FZR1: variants seen among roughly 807,000 people sequenced by gnomAD.
FZR1 encodes fizzy and cell division cycle 20 related 1.
A neutral mutation model predicts 63.6 loss-of-function variants in FZR1; 11 were observed. The observed-to-expected ratio is 0.17, with a 90% confidence interval of 0.11 to 0.29. The LOEUF (loss-of-function observed/expected upper bound fraction) is 0.29. Among genes scored for constraint, FZR1 ranks in the 10% least tolerant of loss-of-function variants. The pLI is 1.00. For missense variants in FZR1, 440 were observed against 687.5 expected (o/e 0.64, Z 4.03); for synonymous variants, 328 against 297.9 (o/e 1.10, Z -1.04).
At chr19:3,507,971 CACTT>C (rs1464075489) in intron 1 of FZR1, among the ~76,000 whole-genome samples, 3 of 152,184 alleles carry the variant, frequency 2.0e-5, no homozygotes, top group Non-Finnish European at 2.9e-5. Context: ...AGGGAGCAGA[CACTT>C]ACTCAAAGGC....
chr19:3,522,104 G>C (rs1006235845), intron 1 of FZR1, among the ~76,000 whole-genome samples: 1 of 152,228 alleles, frequency 6.6e-6, no homozygotes, highest in African/African-American at 2.4e-5. Context: ...TCTACAAAAA[G>C]AACCGCTGTA....
rs989900929 is a variant in FZR1, at chr19:3,515,636, G to A, written c.-34-7320G>A. ...ACAAAAAATTAGGCACTACAGTGGC[G>A]GGCCCCTGTAGTCCCAGCTACTCGG... On this transcript the variant is annotated intron_variant, in intron 1 of 13. Coordinates refer to ENST00000441788, the MANE Select transcript of FZR1 (RefSeq NM_016263.4). The surrounding 1 kb of genome is among the most constrained non-coding windows in gnomAD (Gnocchi z 4.6). 1.3e-5 allele frequency among the ~76,000 whole-genome samples: 2 copies of A among 151,848 alleles called. No homozygotes were observed. The highest frequency in any genetic ancestry group is 2.4e-5 in the African/African-American group (1 of 41,306).
intron 1 of FZR1, among the ~76,000 whole-genome samples, chr19:3,509,984 G>A (rs1018692685): frequency 6.6e-6 from 1 of 152,064 alleles, no homozygotes; most frequent in African/African-American, 2.4e-5. Flanking sequence ...CCACTCGCCG[G>A]CTGATCGTGT....
intron 1 of FZR1, among the ~76,000 whole-genome samples, chr19:3,513,228 TC>T (rs778116933): frequency 6.6e-6 from 1 of 151,830 alleles, no homozygotes; most frequent in Non-Finnish European, 1.5e-5. Context: ...TTTGCAGGGG[TC>T]GGGACCTGTG....
In FZR1 at chr19:3,523,058, C is replaced by T. The variant is rs371487179; in HGVS notation, c.69C>T (p.Arg23=). 96 of 1,589,910 alleles carry T rather than the reference C, an allele frequency of 6.0e-5. No homozygotes were observed. The highest frequency in any genetic ancestry group is 5.5e-5 in the Non-Finnish European group (64 of 1,159,268). ...IVIQNENTMP[R]VTEMRRTLTP... is the part of the protein sequence containing the mutation. ...TCCAGAATGAGAACACGATGCCACG[C>T]GTGAGTGCCCCCGCCCTGCCCACCA... The change falls in exon 2 of 14, where the codon CGC becomes CGT. Residue 23 remains arginine, a splice_region_variant and synonymous_variant. Transcript: ENST00000441788.
At position 3,526,993 on chromosome 19, in the gene FZR1, C is replaced by T. The variant is rs1271042608; in HGVS notation, c.401C>T (p.Thr134Ile). ...CCCGCTCCACAGTATTCCCTTAGCA[C>T]CAAGCGCTCCAGCCCCGATGACGGC... ...KKGLFTYSLS[T>I]KRSSPDDGND... Residue 134 changes from threonine (T) to isoleucine (I), a missense_variant, in exon 6 of 14, where the codon ACC (threonine) becomes ATC (isoleucine). By Grantham distance (89) the Thr-to-Ile change is moderately conservative (BLOSUM62 -1). Transcript: ENST00000441788. The surrounding 1 kb of genome is among the most constrained non-coding windows in gnomAD (Gnocchi z 5.4). 1 of 1,611,882 alleles carries T rather than the reference C, an allele frequency of 6.2e-7. No individual in the cohort carries two copies. Among genetic ancestry groups the T allele is most frequent in the Non-Finnish European group, 8.5e-7 (1 of 1,179,376 alleles).
At position 3,533,110 on chromosome 19, in the gene FZR1, GT is replaced by G. The variant is rs2083264550; in HGVS notation, c.1243-183del. ...TGGCGGTGGGTGGAGGGGTCCACCT[GT>G]GGCCTCCACACCTCCTAGACAGACT... is the stretch of plus-strand genomic sequence containing the variant. On this transcript the variant is annotated intron_variant, in intron 11 of 13. Transcript: ENST00000441788. The surrounding 1 kb of genome is among the most constrained non-coding windows in gnomAD (Gnocchi z 4.9). 6.6e-6 allele frequency among the ~76,000 whole-genome samples: 1 copy of G among 152,090 alleles called. No individual in the cohort carries two copies.
chr19:3,514,914 C>A lies in FZR1; in HGVS notation c.-34-8042C>A, dbSNP rs977845002. On this transcript the variant is annotated intron_variant, in intron 1 of 13. Transcript: ENST00000441788. This position sits in a 1 kb window ranked among gnomAD's most constrained non-coding sequence, Gnocchi z 4.2. ...TGCCCGGGGCAGTGGCAGAAGGAGGCCTCCTGGCTCTTCATTCTGGGGCCC... is the reference window on the plus strand; with the variant it reads ...TGCCCGGGGCAGTGGCAGAAGGAGGACTCCTGGCTCTTCATTCTGGGGCCC... 2.6e-5 allele frequency among the ~76,000 whole-genome samples: 4 copies of A among 152,180 alleles called. No homozygotes were observed. The highest frequency in any genetic ancestry group is 9.7e-5 in the African/African-American group (4 of 41,446).
At chr19:3,512,748 C>T (rs1241138298) in intron 1 of FZR1, among the ~76,000 whole-genome samples, 5 of 152,092 alleles carry the variant, frequency 3.3e-5, no homozygotes, top group Non-Finnish European at 7.4e-5. Context: ...ATCATGACAC[C>T]GAGGACATCC....
chr19:3,534,818 C>T lies in FZR1; in HGVS notation c.1464C>T (p.Leu488=), dbSNP rs200258025. 1 of 1,613,018 alleles carries T rather than the reference C, an allele frequency of 6.2e-7. No individual in the cohort carries two copies. Among genetic ancestry groups the T allele is most frequent in the East Asian group, 2.2e-5 (1 of 44,872 alleles). ...STKESVSVLN[L]FTRIR Reference sequence around the variant, plus strand: ...AGGAGTCTGTGTCTGTGCTCAACCTCTTCACCAGGATCCGGTAAACCTGCC... The same window carrying T: ...AGGAGTCTGTGTCTGTGCTCAACCTTTTCACCAGGATCCGGTAAACCTGCC... The change falls in exon 14 of 14, where the codon CTC becomes CTT. Residue 488 remains leucine (L), a synonymous_variant. Transcript: ENST00000441788.
intron 7 of FZR1, among the ~76,000 whole-genome samples, chr19:3,530,023 T>C (rs114851518): frequency 0.023 from 2,720 of 118,792 alleles, 377 homozygotes; most frequent in South Asian, 0.092. Flanking sequence ...GGTGAGTGGA[T>C]GGGAGAGTGG....
At position 3,533,267 on chromosome 19, in the gene FZR1, G is replaced by C. The variant is rs758471391; in HGVS notation, c.1243-27G>C. 1.4e-6 allele frequency: 2 copies of C among 1,437,088 alleles called. No individual in the cohort carries two copies. The highest frequency in any genetic ancestry group is 2.0e-6 in the Non-Finnish European group (2 of 1,021,030). The allele number at this position is 1,437,088 out of a possible 1,614,324, so 89.0% of individuals were successfully genotyped here. A position where few individuals can be genotyped will look rare whatever the true frequency, so the allele number is the denominator to read the frequency against. On this transcript the variant is annotated intron_variant, in intron 11 of 13. Transcript: ENST00000441788. The surrounding 1 kb of genome is among the most constrained non-coding windows in gnomAD (Gnocchi z 4.9). ...GCACCCGGCCTCGTTGCCCCTCACC[G>C]ACCGCAGCGCCCCCTCCGCCCTCCA...
In FZR1 at chr19:3,533,722, G is replaced by C; in HGVS notation, c.1347+324G>C. On this transcript the variant is annotated intron_variant, in intron 12 of 13. Coordinates refer to ENST00000441788, the MANE Select transcript of FZR1 (RefSeq NM_016263.4). The surrounding 1 kb of genome is among the most constrained non-coding windows in gnomAD (Gnocchi z 4.9). The stretch of plus-strand genomic sequence containing the variant: ...CACAGCTGACCACTCAGATGACCCT[G>C]TGAACGTCCTACACAGTAACTGTAT... 3.0e-6 allele frequency: 1 copy of C among 330,916 alleles called. No homozygotes were observed. Among genetic ancestry groups the C allele is most frequent in the Non-Finnish European group, 5.7e-6 (1 of 176,382 alleles). The allele number at this position is 330,916 out of a possible 1,614,324, so 20.5% of individuals were successfully genotyped here.
chr19:3,519,515 T>A (rs1368179056), intron 1 of FZR1, among the ~76,000 whole-genome samples: 1 of 152,112 alleles, frequency 6.6e-6, no homozygotes, highest in Non-Finnish European at 1.5e-5. Flanking sequence ...ACTCTTGGAG[T>A]CTGAGCAGGG....
In FZR1 at chr19:3,529,061, C is replaced by G. The variant is rs939467222; in HGVS notation, c.654+1247C>G. Among the ~76,000 whole-genome samples the G allele has an allele frequency of 8.9e-5, 9 of 101,476 alleles. No homozygotes were observed. In the South Asian group the frequency reaches 1.6e-3, roughly 19 times the overall value. 66.6% of individuals were successfully genotyped at this position (101,476 alleles called of 152,430 possible). On this transcript the variant is annotated intron_variant, in intron 7 of 13. Transcript: ENST00000441788. Reference sequence around the variant, plus strand: ...GGGTGAGAGGATGGGAGTGCGGATGCTTGAGCGGATGGGAGAGCGGATGGG... The same window carrying G: ...GGGTGAGAGGATGGGAGTGCGGATGGTTGAGCGGATGGGAGAGCGGATGGG...
At chr19:3,523,373 G>A (rs962429306) in intron 2 of FZR1, among the ~76,000 whole-genome samples, 8 of 152,206 alleles carry the variant, frequency 5.3e-5, no homozygotes, top group Non-Finnish European at 1.2e-4. Flanking sequence ...CTGTCTCCAA[G>A]CCCCAGGCAC....
At chr19:3,507,808 G>C (rs2082996192) in intron 1 of FZR1, among the ~76,000 whole-genome samples, 1 of 152,240 alleles carries the variant, frequency 6.6e-6, no homozygotes. Flanking sequence ...GGAATTCCGC[G>C]TGGGCCTCCT....
intron 13 of FZR1, 112 bp from the exon 14 acceptor site, chr19:3,534,683 A>C: frequency 2.9e-6 from 3 of 1,029,930 alleles, no homozygotes; most frequent in Non-Finnish European, 4.5e-6. Context: ...CCGAGGCTGA[A>C]CTGGCACCTC....
intron 7 of FZR1, 78 bp from the exon 8 acceptor site, chr19:3,530,712 CAG>C (rs1274829447): frequency 1.0e-6 from 1 of 996,224 alleles, no homozygotes; most frequent in African/African-American, 1.6e-5. Flanking sequence ...ATGGGTGAGA[CAG>C]TGGAGGGATG....
Sources: allele counts gnomAD v4.1 joint callset (sites outside exome capture counted in the v4.1 genomes callset), GRCh38; gene constraint gnomAD v4.1.1; non-coding constraint Gnocchi (gnomAD v3.1); transcripts MANE v1.5; gene names NCBI Gene and HGNC (gene_info 2026-07-23, HGNC 2026-07-21).